Variants in THSD4 observed in about 807,000 individuals in gnomAD.
The protein encoded by THSD4 is thrombospondin type 1 domain containing 4.
Under a neutral mutation model 119.0 loss-of-function variants are expected in THSD4, and 69 were observed. That is an observed-to-expected ratio of 0.58 (90% CI 0.48 to 0.71). The LOEUF (loss-of-function observed/expected upper bound fraction) is 0.71, where lower values mean the gene tolerates loss of function less well. Among genes scored for constraint, THSD4 ranks in the 30% least tolerant of loss-of-function variants. The pLI is 0.00. For synonymous variants in THSD4, 524 were observed against 540.4 expected (o/e 0.97, Z 0.42); for missense variants, 1,393 against 1,391.1 (o/e 1.00, Z -0.02).
intron 7 of THSD4, among the ~76,000 whole-genome samples, chr15:71,583,157 T>C (rs1274917072): frequency 2.0e-5 from 3 of 152,188 alleles, no homozygotes; most frequent in Admixed American, 6.5e-5. Flanking sequence ...TAGTAGGTGG[T>C]ATATGTTTCA....
chr15:71,726,004 C>G (rs1366643227), intron 8 of THSD4, among the ~76,000 whole-genome samples: 3 of 151,976 alleles, frequency 2.0e-5, no homozygotes, highest in Non-Finnish European at 4.4e-5. Context: ...GGTCTGAAAC[C>G]CCCGACCTCA....
chr15:71,285,090 C>T (rs553868152), intron 6 of THSD4, among the ~76,000 whole-genome samples: 103 of 152,258 alleles, frequency 6.8e-4, no homozygotes, highest in Middle Eastern at 6.8e-3. Flanking sequence ...TTTAACCATC[C>T]GCTCTACATC....
intron 9 of THSD4, chr15:71,729,970 T>G (rs1438024972): frequency 1.3e-5 from 2 of 152,126 alleles, no homozygotes; most frequent in Non-Finnish European, 2.9e-5. Context: ...GGTTCCTGGG[T>G]AGGAGAATCC....
chr15:71,137,985 T>C (rs1328026631), intron 1 of THSD4, among the ~76,000 whole-genome samples: 5 of 152,192 alleles, frequency 3.3e-5, no homozygotes, highest in African/African-American at 1.2e-4. Flanking sequence ...GTTCAGGCAG[T>C]CTCCTCACTC....
intron 3 of THSD4, among the ~76,000 whole-genome samples, chr15:71,202,213 A>G (rs1298931580): frequency 6.6e-6 from 1 of 152,132 alleles, no homozygotes; most frequent in Non-Finnish European, 1.5e-5. Flanking sequence ...AACATCATCT[A>G]TTTGTAGTGA....
At chr15:71,182,107 GACACCCTCTGCCCTGATTTCTTAA>G (rs1179683110) in intron 3 of THSD4, among the ~76,000 whole-genome samples, 40 of 147,296 alleles carry the variant, frequency 2.7e-4, no homozygotes, top group South Asian at 6.8e-4. Flanking sequence ...CCTTCTCTAT[GACACCCTCTGCCCTGATTTCTTAA>G]AGAACTCTTT....
chr15:71,526,818 T>C (rs2140801537), intron 7 of THSD4, among the ~76,000 whole-genome samples: 1 of 152,316 alleles, frequency 6.6e-6, no homozygotes, highest in South Asian at 2.1e-4. Context: ...CTAGAATAGA[T>C]TCTCTTATAG....
intron 7 of THSD4, among the ~76,000 whole-genome samples, chr15:71,608,082 G>C (rs1419691672): frequency 6.6e-6 from 1 of 151,858 alleles, no homozygotes; most frequent in Non-Finnish European, 1.5e-5. Flanking sequence ...AATTAGCGGG[G>C]CGTGGTGGCA....
intron 15 of THSD4, 147 bp from the exon 16 acceptor site, chr15:71,764,873 C>T (rs2053687867): frequency 2.9e-6 from 3 of 1,035,634 alleles, no homozygotes; most frequent in East Asian, 5.1e-5. Context: ...ATTTCTCCTC[C>T]AGAAACATTT....
chr15:71,538,731 T>C (rs10851844), intron 7 of THSD4, among the ~76,000 whole-genome samples: 32,699 of 152,186 alleles, frequency 0.21, 3,666 homozygotes, highest in Non-Finnish European at 0.25. Context: ...ATGATGCTGA[T>C]CCAGGGACCA....
chr15:71,149,370 C>A (rs536146189), intron 2 of THSD4, among the ~76,000 whole-genome samples: 7 of 152,202 alleles, frequency 4.6e-5, no homozygotes, highest in South Asian at 2.1e-4. Context: ...CTCAGCCTCA[C>A]GAGTAGCTGG....
intron 6 of THSD4, among the ~76,000 whole-genome samples, chr15:71,269,474 C>T (rs2044504441): frequency 6.6e-6 from 1 of 152,178 alleles, no homozygotes; most frequent in Non-Finnish European, 1.5e-5. Flanking sequence ...CTATTTATGA[C>T]AAACCCATAG....
intron 7 of THSD4, among the ~76,000 whole-genome samples, chr15:71,487,649 T>C (rs72731092): frequency 0.094 from 14,346 of 152,294 alleles, 769 homozygotes; most frequent in Middle Eastern, 0.17. Context: ...AGTAAGATCA[T>C]GTTAAATGGT....
At chr15:71,462,603 C>A (rs2047444060) in intron 7 of THSD4, among the ~76,000 whole-genome samples, 1 of 152,234 alleles carries the variant, frequency 6.6e-6, no homozygotes, top group Admixed American at 6.5e-5. Context: ...TCTACTGGAG[C>A]CAAGTTGTAT....
At chr15:71,644,041 GC>G (rs1368009232) in intron 7 of THSD4, among the ~76,000 whole-genome samples, 5 of 152,176 alleles carry the variant, frequency 3.3e-5, no homozygotes, top group Non-Finnish European at 7.3e-5. Context: ...CTGAAGTAGA[GC>G]CTTGGAATAG....
intron 7 of THSD4, among the ~76,000 whole-genome samples, chr15:71,655,429 C>T (rs558804481): frequency 6.6e-6 from 1 of 152,086 alleles, no homozygotes; most frequent in Admixed American, 6.6e-5. Context: ...GAAAGTGTTA[C>T]AGAAGTACGG....
At chr15:71,135,186 G>C (rs1409099605) in intron 1 of THSD4, among the ~76,000 whole-genome samples, 1 of 119,090 alleles carries the variant, frequency 8.4e-6, no homozygotes, top group Non-Finnish European at 1.7e-5. Context: ...ATGGTCACAG[G>C]AAGGGGAATA....
chr15:71,630,759 C>T (rs2050611036), intron 7 of THSD4, among the ~76,000 whole-genome samples: 1 of 152,178 alleles, frequency 6.6e-6, no homozygotes, highest in South Asian at 2.1e-4. Flanking sequence ...TTTGAATGCA[C>T]CAGTGTGTGT....
chr15:71,349,420 C>G (rs906786912), intron 6 of THSD4, among the ~76,000 whole-genome samples: 1 of 152,168 alleles, frequency 6.6e-6, no homozygotes, highest in Non-Finnish European at 1.5e-5. Flanking sequence ...CGAGCCTGTT[C>G]ACTTCTCCAC....
Sources: gnomAD v4.1 joint callset for allele counts (sites outside exome capture counted in the v4.1 genomes callset) on GRCh38, gnomAD v4.1.1 for gene constraint, MANE v1.5 for transcripts, NCBI Gene and HGNC (gene_info 2026-07-23, HGNC 2026-07-21) for gene names.